The following CHD1L variants were observed in gnomAD, a reference collection of about 807,000 sequenced individuals.
CHD1L encodes chromodomain helicase DNA binding protein 1 like, also known as ATP-dependent chromatin remodeler CHD1L.
In CHD1L, 118 loss-of-function variants were observed where a neutral mutation model predicts 115.9. The observed-to-expected ratio is 1.02, with a 90% CI of 0.88 to 1.19. CHD1L has a LOEUF of 1.19. CHD1L is among the 50% of genes most tolerant of loss of function. CHD1L has a pLI of 0.00. For synonymous variants in CHD1L, 411 were observed against 387.1 expected (o/e 1.06, Z -0.72); for missense variants, 1,179 against 1,065.3 (o/e 1.11, Z -1.49).
chr1:147,242,022 A>T (rs1195486322), upstream of CHD1L, among the ~76,000 whole-genome samples: 1 of 152,148 alleles, frequency 6.6e-6, no homozygotes, highest in Non-Finnish European at 1.5e-5. Context: ...TGTTATTATC[A>T]TATTTATATT....
the CHD1L span, among the ~76,000 whole-genome samples, chr1:147,185,927 A>G: frequency 6.6e-6 from 1 of 152,202 alleles, no homozygotes; most frequent in Non-Finnish European, 1.5e-5. Flanking sequence ...AAACTGGTAT[A>G]AGCAGAATGT....
intron 15 of CHD1L, among the ~76,000 whole-genome samples, chr1:147,281,655 G>C (rs1244425501): frequency 6.6e-6 from 1 of 152,136 alleles, no homozygotes; most frequent in Non-Finnish European, 1.5e-5. Flanking sequence ...TTGTAACTCT[G>C]TTCTCATTTC....
At chr1:147,180,162 A>C in the CHD1L span, among the ~76,000 whole-genome samples, 1 of 152,210 alleles carries the variant, frequency 6.6e-6, no homozygotes, top group African/African-American at 2.4e-5. Flanking sequence ...TAACTAAAGT[A>C]ATAAAAATAA....
the CHD1L span, chr1:147,204,186 TCATGCCATCAAAAGGACAAGAGTA>T: frequency 7.3e-7 from 1 of 1,361,442 alleles, no homozygotes; most frequent in Non-Finnish European, 1.1e-6. Flanking sequence ...GTTTCTGTTA[TCATGCCATCAAAAGGACAAGAGTA>T]CACTGCTATT....
chr1:147,209,042 T>A, the CHD1L span: 1 of 1,613,568 alleles, frequency 6.2e-7, no homozygotes, highest in East Asian at 2.2e-5. Context: ...CTCCTGGTGC[T>A]GAGGAAAACC....
At position 147,276,177 on chromosome 1, in the gene CHD1L, C is replaced by T; in HGVS notation, c.1459C>T (p.Leu487=). The T allele has an allele frequency of 1.2e-6, 2 of 1,614,168 alleles. No homozygotes were observed. Among genetic ancestry groups the T allele is most frequent in the Non-Finnish European group, 1.7e-6 (2 of 1,179,986 alleles). ...EIVYRKAASK[L]QLTNMIIEGG... ...AGTCTATAGGAAAGCAGCCTCCAAA[C>T]TGCAGCTCACCAACATGATCATAGA... The change falls in exon 14 of 23, where the codon CTG becomes TTG. Residue 487 remains leucine, a synonymous_variant. Transcript: ENST00000369258.
chr1:147,179,023 C>G, the CHD1L span: 1 of 1,613,456 alleles, frequency 6.2e-7, no homozygotes, highest in African/African-American at 1.3e-5. Context: ...TGTAGCTAGC[C>G]GCAAAACCTT....
chr1:147,226,173 G>A, the CHD1L span, among the ~76,000 whole-genome samples: 1 of 151,768 alleles, frequency 6.6e-6, no homozygotes, highest in Non-Finnish European at 1.5e-5. Context: ...AAGGTGGTGG[G>A]AGGAGGGCAG....
chr1:147,212,787 A>G, the CHD1L span, among the ~76,000 whole-genome samples: 463 of 152,256 alleles, frequency 3.0e-3, 4 homozygotes, highest in African/African-American at 0.011. Context: ...TTGGATTTAG[A>G]GATATAAATA....
the CHD1L span, among the ~76,000 whole-genome samples, chr1:147,226,106 A>AT: frequency 3.4e-3 from 17 of 4,952 alleles, no homozygotes; most frequent in Admixed American, 0.031. Context: ...AATTTATCTT[A>AT]CTTTTTTTTT....
the CHD1L span, chr1:147,203,294 C>G: frequency 3.1e-6 from 5 of 1,593,164 alleles, no homozygotes; most frequent in Non-Finnish European, 4.3e-6. Flanking sequence ...TGGTCATCAT[C>G]CCAGTCTTTC....
intron 1 of CHD1L, among the ~76,000 whole-genome samples, chr1:147,247,849 C>T (rs1553934522): frequency 1.3e-5 from 2 of 152,180 alleles, no homozygotes; most frequent in African/African-American, 4.8e-5. Context: ...AAGCCAGAAA[C>T]ATTGCATCTC....
At chr1:147,265,897 G>A in intron 7 of CHD1L, 35 bp from the exon 8 acceptor site, 3 of 1,584,850 alleles carry the variant, frequency 1.9e-6, no homozygotes, top group Non-Finnish European at 2.6e-6. Flanking sequence ...TTCTACTTTT[G>A]TCCCACACTT....
intron 9 of CHD1L, among the ~76,000 whole-genome samples, chr1:147,268,381 G>A (rs137876407): frequency 6.6e-4 from 100 of 152,302 alleles, no homozygotes; most frequent in African/African-American, 2.3e-3. Flanking sequence ...GCTAAGAACT[G>A]TTTAAAGATT....
the CHD1L span, among the ~76,000 whole-genome samples, chr1:147,219,275 T>A: frequency 6.6e-6 from 1 of 152,216 alleles, no homozygotes; most frequent in African/African-American, 2.4e-5. Context: ...TAATTATACT[T>A]GTATAATCGC....
chr1:147,189,250 G>C, the CHD1L span, among the ~76,000 whole-genome samples: 2 of 149,976 alleles, frequency 1.3e-5, no homozygotes, highest in Non-Finnish European at 2.9e-5. Context: ...TCCAGCCTGA[G>C]TGACAGAGTG....
chr1:147,291,157 A>T (rs1157241525), intron 19 of CHD1L, among the ~76,000 whole-genome samples: 6 of 152,190 alleles, frequency 3.9e-5, no homozygotes, highest in African/African-American at 1.4e-4. Context: ...CAAGCACAAA[A>T]CTACCAAAGG....
rs587737572 is a variant in CHD1L at position 147,269,466 on chromosome 1, C to T, written c.1085+588C>T. Among the ~76,000 whole-genome samples, 52 of 151,918 alleles carry T rather than the reference C, an allele frequency of 3.4e-4. No individual in the cohort carries two copies. In the South Asian group the frequency reaches 9.6e-3, roughly 28 times the overall value. Reference sequence around the variant, plus strand: ...TGGGCGGATCATGAGGTCAAGAGATCGAGACCATCTTGGCCAACATGGTGA... The same window carrying T: ...TGGGCGGATCATGAGGTCAAGAGATTGAGACCATCTTGGCCAACATGGTGA... On this transcript the variant is annotated intron_variant, in intron 10 of 22. Transcript: ENST00000369258.
the CHD1L span, among the ~76,000 whole-genome samples, chr1:147,193,621 C>G: frequency 1.3e-5 from 2 of 152,058 alleles, no homozygotes; most frequent in Admixed American, 6.5e-5. Flanking sequence ...TTGGATCTTT[C>G]CTGCTTTCTC....
Sources: allele counts gnomAD v4.1 joint callset (sites outside exome capture counted in the v4.1 genomes callset), GRCh38; gene constraint gnomAD v4.1.1; transcripts MANE v1.5; gene names NCBI Gene and HGNC (gene_info 2026-07-23, HGNC 2026-07-21).